Variants in SSBP4 observed in about 807,000 individuals in gnomAD.
SSBP4 encodes the protein single stranded DNA binding protein 4.
SSBP4 carries 33 observed loss-of-function variants against 64.6 expected under a neutral mutation model. That is an observed-to-expected ratio of 0.51 (90% CI 0.39 to 0.68). The LOEUF (loss-of-function observed/expected upper bound fraction) is 0.68. Ranked by LOEUF, SSBP4 falls within the 30% of genes least tolerant of loss-of-function variation. The probability of loss-of-function intolerance (pLI) is 0.00; values close to 1 mark genes in which losing one functional copy is unlikely to be tolerated. For synonymous variants in SSBP4, 243 were observed against 224.0 expected (o/e 1.08, Z -0.76); for missense variants, 583 against 566.8 (o/e 1.03, Z -0.29).
rs1322987529 is a variant in SSBP4, at chr19:18,419,636, G to A, written c.-13G>A. ...GACAGGTGTGGGCCCCGGCGGCGGC[G>A]GCGTGGAGCAGCATGTACGCCAAGG... On this transcript the variant is annotated 5_prime_UTR_variant, in exon 1 of 18. Coordinates refer to ENST00000270061, the MANE Select transcript of SSBP4 (RefSeq NM_032627.5). 7.9e-7 allele frequency: 1 copy of A among 1,264,372 alleles called. No individual in the cohort carries two copies. Among genetic ancestry groups the A allele is most frequent in the Non-Finnish European group, 1.0e-6 (1 of 1,000,078 alleles). 78.3% of individuals were successfully genotyped at this position (1,264,372 alleles called of 1,614,324 possible). A position where few individuals can be genotyped will look rare whatever the true frequency, so the allele number is the denominator to read the frequency against.
rs1213035197 is a variant in SSBP4 at position 18,431,818 on chromosome 19, A to C, written c.521A>C (p.Gln174Pro). 6.4e-7 allele frequency: 1 copy of C among 1,565,958 alleles called. No homozygotes were observed. Among genetic ancestry groups the C allele is most frequent in the Non-Finnish European group, 8.7e-7 (1 of 1,154,434 alleles). Residue 174 changes from glutamine (Q) to proline (P), a missense_variant, in exon 8 of 18, where the codon CAG (glutamine) becomes CCG (proline). Transcript: ENST00000270061. ...SQPPAGLPGS[Q>P]PLLPGAMEPS... ...CCTCCCGCAGGCCTCCCTGGCTCCC[A>C]GCCCCTCCTCCCTGGCGCCATGGAG...
At chr19:18,404,994 C>G in the SSBP4 span, among the ~76,000 whole-genome samples, 27 of 151,470 alleles carry the variant, frequency 1.8e-4, no homozygotes, top group East Asian at 7.7e-4. Context: ...GGCCCCCCCC[C>G]CCGCGAAAGA....
chr19:18,429,040 G>A (rs969414377), intron 4 of SSBP4, among the ~76,000 whole-genome samples: 1 of 152,216 alleles, frequency 6.6e-6, no homozygotes, highest in African/African-American at 2.4e-5. Flanking sequence ...GCGCGCAGCG[G>A]TTACCATGGC....
upstream of SSBP4, chr19:18,419,393 C>G (rs1288466492): frequency 5.8e-6 from 6 of 1,032,724 alleles, no homozygotes; most frequent in East Asian, 5.4e-4. Flanking sequence ...AGGAGGGGAG[C>G]GCGCGTTTCC....
rs568689055 is a variant in SSBP4, at chr19:18,423,704, G to A, written c.60-3647G>A. 2.0e-5 allele frequency among the ~76,000 whole-genome samples: 3 copies of A among 152,194 alleles called. No individual in the cohort carries two copies. The highest frequency in any genetic ancestry group is 4.8e-5 in the African/African-American group (2 of 41,444). On this transcript the variant is annotated intron_variant, in intron 1 of 17. Coordinates refer to ENST00000270061, the MANE Select transcript of SSBP4 (RefSeq NM_032627.5). The surrounding 1 kb of genome is among the most constrained non-coding windows in gnomAD (Gnocchi z 4.0). ...TGCTTCCCTGCACAGCCTCATGCTC[G>A]CTCCAGGTCCAGGCGCCCCATGTCC...
chr19:18,421,674 T>C lies in SSBP4; in HGVS notation c.59+1967T>C, dbSNP rs149602636. Among the ~76,000 whole-genome samples, 441 of 152,284 alleles carry C rather than the reference T, an allele frequency of 2.9e-3. 4 individuals carry two copies. The highest frequency in any genetic ancestry group is 0.01 in the African/African-American group (423 of 41,548). On this transcript the variant is annotated intron_variant, in intron 1 of 17. Transcript: ENST00000270061. ...GAGGGCACAGCAAGTGCAAAGGCCCTGATATGGGACCAGGAAAAGGAGCTG... is the reference window on the plus strand; with the variant it reads ...GAGGGCACAGCAAGTGCAAAGGCCCCGATATGGGACCAGGAAAAGGAGCTG...
chr19:18,433,269 G>A, intron 15 of SSBP4, 56 bp downstream of exon 15: 1 of 1,528,258 alleles, frequency 6.5e-7, no homozygotes, highest in African/African-American at 1.4e-5. Flanking sequence ...TGCGCTCCCT[G>A]GCTGCTTCCC....
the SSBP4 span, among the ~76,000 whole-genome samples, chr19:18,409,516 T>G: frequency 6.6e-6 from 1 of 152,124 alleles, no homozygotes; most frequent in Non-Finnish European, 1.5e-5. Flanking sequence ...TTTACTTTCT[T>G]AATAAATTTG....
At chr19:18,404,045 G>A in the SSBP4 span, among the ~76,000 whole-genome samples, 3 of 151,664 alleles carry the variant, frequency 2.0e-5, no homozygotes, top group Admixed American at 6.6e-5. Flanking sequence ...ACACCAGCCC[G>A]CCCCCCAGCT....
Position 18,430,846 on chromosome 19 carries a change from T to TGCAGCC in SSBP4, c.288_293dup (p.Ala97_Ala98dup). Reference sequence around the variant, plus strand: ...GGTTTCCCGCACCCTTACAGAGTGCTGCAGCCGCCCCCAGCCCCGTTATGG... The same window carrying TGCAGCC: ...GGTTTCCCGCACCCTTACAGAGTGCTGCAGCCGCAGCCGCCCCCAGCCCCGTTATGG... On this transcript the variant is annotated inframe_insertion, in exon 5 of 18. Coordinates refer to ENST00000270061, the MANE Select transcript of SSBP4 (RefSeq NM_032627.5). The TGCAGCC allele has an allele frequency of 1.2e-6, 2 of 1,612,672 alleles. No individual in the cohort carries two copies. The highest frequency in any genetic ancestry group is 1.7e-6 in the Non-Finnish European group (2 of 1,179,480).
chr19:18,434,496 C>T lies in SSBP4; in HGVS notation c.*250C>T, dbSNP rs928793069. 10 of 740,902 alleles carry T rather than the reference C, an allele frequency of 1.3e-5. No individual in the cohort carries two copies. The highest frequency in any genetic ancestry group is 1.1e-4 in the African/African-American group (6 of 55,180). 45.9% of individuals were successfully genotyped at this position (740,902 alleles called of 1,614,324 possible). On this transcript the variant is annotated 3_prime_UTR_variant, in exon 18 of 18. Transcript: ENST00000270061. ...CCAGAGAGAAAGGCTCTTTGGGGGG[C>T]CCCTCTCCCCAGGACGTCAGGGGGT...
In SSBP4 at chr19:18,432,967, C is replaced by T. The variant is rs774823585; in HGVS notation, c.842-6C>T. 10 of 1,614,040 alleles carry T rather than the reference C, an allele frequency of 6.2e-6. No homozygotes were observed. Reference sequence around the variant, plus strand: ...TCACACCTGGCACCCTTCTGGTCTCCCCCAGATTCCACCAACTCCAGCGAA... The same window carrying T: ...TCACACCTGGCACCCTTCTGGTCTCTCCCAGATTCCACCAACTCCAGCGAA... On this transcript the variant is annotated splice_polypyrimidine_tract_variant and splice_region_variant and intron_variant, in intron 13 of 17. Coordinates refer to ENST00000270061, the MANE Select transcript of SSBP4 (RefSeq NM_032627.5).
In SSBP4 at chr19:18,427,202, A is replaced by G; in HGVS notation, c.60-149A>G. On this transcript the variant is annotated intron_variant, in intron 1 of 17. Transcript: ENST00000270061. The surrounding 1 kb of genome is among the most constrained non-coding windows in gnomAD (Gnocchi z 4.4). The stretch of plus-strand genomic sequence containing the variant: ...TCACGGATGCCTGGGAGGGGCCTGC[A>G]GGACATAGATGGATAACTATGAGCT... 2 of 765,634 alleles carry G rather than the reference A, an allele frequency of 2.6e-6. No homozygotes were observed. The highest frequency in any genetic ancestry group is 3.6e-5 in the South Asian group (2 of 55,288). The allele number at this position is 765,634 out of a possible 1,614,324, so 47.4% of individuals were successfully genotyped here.
At chr19:18,413,748 G>A in the SSBP4 span, among the ~76,000 whole-genome samples, 1 of 152,126 alleles carries the variant, frequency 6.6e-6, no homozygotes, top group Non-Finnish European at 1.5e-5. Context: ...GCACGGTGGT[G>A]GCTCACACCT....
At position 18,434,208 on chromosome 19, in the gene SSBP4, T is replaced by C; in HGVS notation, c.1129-9T>C. On this transcript the variant is annotated splice_polypyrimidine_tract_variant and intron_variant, in intron 17 of 17. Transcript: ENST00000270061. ...GGCCCCTGCGCGCTGCCCCCTCCTC[T>C]CTCCGCAGTACTCGCCAGGGATGAC... 2 of 1,611,062 alleles carry C rather than the reference T, an allele frequency of 1.2e-6. No individual in the cohort carries two copies. The highest frequency in any genetic ancestry group is 1.7e-6 in the Non-Finnish European group (2 of 1,179,292).
chr19:18,406,316 CTATTATTATTATTACTAT>C, the SSBP4 span, among the ~76,000 whole-genome samples: 1 of 150,694 alleles, frequency 6.6e-6, no homozygotes, highest in Admixed American at 6.6e-5. Context: ...CCATGCCCAG[CTATTATTATTATTACTAT>C]TATTATTATT....
chr19:18,408,201 C>T, the SSBP4 span, among the ~76,000 whole-genome samples: 25 of 152,306 alleles, frequency 1.6e-4, no homozygotes, highest in East Asian at 3.3e-3. Flanking sequence ...CGGGAGGCCA[C>T]GTCATGGCCA....
intron 4 of SSBP4, among the ~76,000 whole-genome samples, chr19:18,429,070 G>A (rs1973101532): frequency 6.6e-6 from 1 of 152,302 alleles, no homozygotes; most frequent in African/African-American, 2.4e-5. Flanking sequence ...GCAGAGCGTA[G>A]ACCGCAGGGC....
rs1568354151 is a variant in SSBP4, at chr19:18,431,432, G to A, written c.435+14G>A. 5 of 1,495,754 alleles carry A rather than the reference G, an allele frequency of 3.3e-6. No homozygotes were observed. Among genetic ancestry groups the A allele is most frequent in the South Asian group, 1.2e-5 (1 of 82,190 alleles). The allele number at this position is 1,495,754 out of a possible 1,614,324, so 92.7% of individuals were successfully genotyped here. A position where few individuals can be genotyped will look rare whatever the true frequency, so the allele number is the denominator to read the frequency against. On this transcript the variant is annotated intron_variant, in intron 6 of 17. Coordinates refer to ENST00000270061, the MANE Select transcript of SSBP4 (RefSeq NM_032627.5). ...CCTCACGGTCAGGTAAGGAGCTGTG[G>A]TGCCTGCCCCTCACACACACACATC...
Sources: gnomAD v4.1 joint callset for allele counts (sites outside exome capture counted in the v4.1 genomes callset) on GRCh38, gnomAD v4.1.1 for gene constraint, Gnocchi (gnomAD v3.1) non-coding constraint, MANE v1.5 for transcripts, NCBI Gene and HGNC (gene_info 2026-07-23, HGNC 2026-07-21) for gene names.